DARS1: variants seen among roughly 807,000 people sequenced by gnomAD.
DARS1 encodes aspartate--tRNA ligase, cytoplasmic.
In DARS1, 51 loss-of-function variants were observed where a neutral mutation model predicts 68.8. That is an observed-to-expected ratio of 0.74 (90% CI 0.59 to 0.94). The LOEUF (loss-of-function observed/expected upper bound fraction) is 0.94. DARS1 is among the 40% of genes least tolerant of loss of function. The pLI is 0.00. For synonymous variants in DARS1, 203 were observed against 190.4 expected, an observed-to-expected ratio of 1.07 and a Z score of -0.55; for missense variants, 607 against 597.3, an observed-to-expected ratio of 1.02 and a Z score of -0.17.
chr2:135,981,123 G>A (rs1000518704), intron 2 of DARS1, among the ~76,000 whole-genome samples: 2 of 152,190 alleles, frequency 1.3e-5, no homozygotes, highest in African/African-American at 2.4e-5. Context: ...ACCAAAGGCC[G>A]AATTTTACAT....
rs1575404304 is a variant in DARS1 at position 135,965,641 on chromosome 2, A to T, written c.218-4143T>A. Among the ~76,000 whole-genome samples, 3 of 152,200 alleles carry T rather than the reference A, an allele frequency of 2.0e-5. No homozygotes were observed. In the South Asian group the frequency reaches 6.2e-4, roughly 31 times the overall value. On this transcript the variant is annotated intron_variant, in intron 3 of 15. Coordinates refer to ENST00000264161, the MANE Select transcript of DARS1 (RefSeq NM_001349.4). Reference sequence around the variant, plus strand: ...TTTATAACTTGCTGAAGGCAGGGTAAATTTGTGTAATGCTTCTGGAGAACA... The same window carrying T: ...TTTATAACTTGCTGAAGGCAGGGTATATTTGTGTAATGCTTCTGGAGAACA...
chr2:135,925,633 T>C (rs1681197358), intron 7 of DARS1, among the ~76,000 whole-genome samples: 2 of 152,224 alleles, frequency 1.3e-5, no homozygotes, highest in Admixed American at 6.5e-5. Context: ...TACAAATCAA[T>C]AGTTTCTCAT....
chr2:135,923,578 G>A (rs1325008077), intron 8 of DARS1, among the ~76,000 whole-genome samples: 1 of 152,142 alleles, frequency 6.6e-6, no homozygotes, highest in Non-Finnish European at 1.5e-5. Flanking sequence ...ATGAGCCACT[G>A]CGCCCAGCCT....
chr2:135,957,313 C>T (rs1048500197), intron 4 of DARS1, among the ~76,000 whole-genome samples: 2 of 151,754 alleles, frequency 1.3e-5, no homozygotes, highest in Non-Finnish European at 2.9e-5. Flanking sequence ...CTGCAACCTT[C>T]GCCTCCTGGG....
At chr2:135,916,176 T>C (rs1680998718) in intron 11 of DARS1, 50 bp downstream of exon 11, 4 of 1,080,528 alleles carry the variant, frequency 3.7e-6, no homozygotes, top group African/African-American at 1.6e-5. Context: ...CTGCACGTTC[T>C]GCACATGGAT....
At chr2:135,923,375 CG>C (rs2104802452) in intron 8 of DARS1, among the ~76,000 whole-genome samples, 1 of 152,162 alleles carries the variant, frequency 6.6e-6, no homozygotes, top group African/African-American at 2.4e-5. Flanking sequence ...CTGCAACCTC[CG>C]CCTCCCAGGT....
At chr2:135,973,107 G>C (rs1682417014) in intron 3 of DARS1, among the ~76,000 whole-genome samples, 1 of 152,152 alleles carries the variant, frequency 6.6e-6, no homozygotes, top group South Asian at 2.1e-4. Flanking sequence ...GTGTATCGAA[G>C]AGATATCTGC....
chr2:135,954,506 A>G (rs936307748), intron 4 of DARS1, among the ~76,000 whole-genome samples: 2 of 152,102 alleles, frequency 1.3e-5, no homozygotes, highest in Non-Finnish European at 2.9e-5. Flanking sequence ...ATTATAAGGG[A>G]ACCTGTTATT....
chr2:135,949,239 A>T (rs1260435518), intron 4 of DARS1, among the ~76,000 whole-genome samples: 1 of 152,156 alleles, frequency 6.6e-6, no homozygotes, highest in Admixed American at 6.5e-5. Flanking sequence ...CATTAATTGT[A>T]GTCCTTTATA....
intron 3 of DARS1, among the ~76,000 whole-genome samples, chr2:135,966,168 ATTT>A (rs60485095): frequency 1.3e-4 from 18 of 141,614 alleles, no homozygotes; most frequent in African/African-American, 4.4e-4. Context: ...CTGTAAATGT[ATTT>A]TTTTTTTTTT....
chr2:135,957,057 G>A (rs1294923694), intron 4 of DARS1, among the ~76,000 whole-genome samples: 2 of 151,890 alleles, frequency 1.3e-5, no homozygotes, highest in Admixed American at 6.6e-5. Flanking sequence ...GACCAACCGC[G>A]CCCGGCCTGT....
chr2:135,977,584 G>A (rs1682529399), intron 3 of DARS1, among the ~76,000 whole-genome samples: 1 of 152,144 alleles, frequency 6.6e-6, no homozygotes, highest in African/African-American at 2.4e-5. Context: ...GTAAATGAAG[G>A]ATTATAATAC....
At position 135,923,220 on chromosome 2, in the gene DARS1, A is replaced by T. The variant is rs184130115; in HGVS notation, c.677-302T>A. Among the ~76,000 whole-genome samples the T allele has an allele frequency of 9.0e-3, 1,367 of 152,052 alleles. 17 individuals carry two copies. The highest frequency in any genetic ancestry group is 0.03 in the African/African-American group (1,238 of 41,492). ...TTGGAGTTGTTAAAATTTTTTTTTT[A>T]AAATGAAAAAATATATTCTTCATCA... On this transcript the variant is annotated intron_variant, in intron 8 of 15. Transcript: ENST00000264161.
At chr2:135,915,500 C>G (rs1343134258) in intron 11 of DARS1, among the ~76,000 whole-genome samples, 1 of 152,064 alleles carries the variant, frequency 6.6e-6, no homozygotes, top group East Asian at 1.9e-4. Flanking sequence ...GTTGTCCAGG[C>G]TGGTCCCGAA....
chr2:135,985,511 G>A lies in DARS1; in HGVS notation c.-43C>T. On this transcript the variant is annotated 5_prime_UTR_variant, in exon 1 of 16. Coordinates refer to ENST00000264161, the MANE Select transcript of DARS1 (RefSeq NM_001349.4). ...CAGTGGACACCACCCTCCCTCGCAG[G>A]CTTCCGTAAGGCAGGCCAAAGGGGC... The A allele has an allele frequency of 6.2e-7, 1 of 1,613,774 alleles. No individual in the cohort carries two copies. Among genetic ancestry groups the A allele is most frequent in the Non-Finnish European group, 8.5e-7 (1 of 1,179,858 alleles).
chr2:135,914,241 G>A (rs998249250), intron 12 of DARS1, among the ~76,000 whole-genome samples: 2 of 152,216 alleles, frequency 1.3e-5, no homozygotes, highest in East Asian at 1.9e-4. Flanking sequence ...GAACAACTTC[G>A]TAAAAATATT....
intron 4 of DARS1, 31 bp from the exon 5 acceptor site, chr2:135,943,511 C>A: frequency 6.2e-7 from 1 of 1,608,556 alleles, no homozygotes; most frequent in South Asian, 1.1e-5. Flanking sequence ...CAACTTGAAT[C>A]ATCTCATCAG....
chr2:135,911,138 C>T lies in DARS1; in HGVS notation c.1414+1G>A. ...ATTTGTAAGCAATAACAGAATATTA[C>T]CAATGCCTCCACCAGCATGAGGAGG... On this transcript the variant is annotated splice_donor_variant, in intron 15 of 15. Coordinates refer to ENST00000264161, the MANE Select transcript of DARS1 (RefSeq NM_001349.4). LOFTEE classifies it high-confidence loss of function. The T allele has an allele frequency of 7.5e-7, 1 of 1,331,884 alleles. No individual in the cohort carries two copies. Among genetic ancestry groups the T allele is most frequent in the Non-Finnish European group, 1.1e-6 (1 of 923,824 alleles). The allele number at this position is 1,331,884 out of a possible 1,614,324, so 82.5% of individuals were successfully genotyped here. A position where few individuals can be genotyped will look rare whatever the true frequency, so the allele number is the denominator to read the frequency against.
At chr2:135,971,241 T>C (rs2104842426) in intron 3 of DARS1, among the ~76,000 whole-genome samples, 1 of 152,254 alleles carries the variant, frequency 6.6e-6, no homozygotes, top group South Asian at 2.1e-4. Flanking sequence ...AGATCATTCA[T>C]CGTGACCAAG....
Sources: allele counts gnomAD v4.1 joint callset (sites outside exome capture counted in the v4.1 genomes callset), GRCh38; gene constraint gnomAD v4.1.1; transcripts MANE v1.5; gene names NCBI Gene and HGNC (gene_info 2026-07-23, HGNC 2026-07-21).